The following CFAP46 variants were observed in gnomAD, a reference collection of about 807,000 sequenced individuals.
The protein encoded by CFAP46 is cilia- and flagella-associated protein 46.
In CFAP46, 245 loss-of-function variants were observed where a neutral mutation model predicts 325.7. The ratio of observed to expected loss-of-function variants is 0.75; its 90% CI spans 0.68 to 0.84. The LOEUF is 0.84. CFAP46 is among the 40% of genes least tolerant of loss of function. The pLI, the probability that CFAP46 is intolerant of heterozygous loss-of-function variation, is 0.00. For synonymous variants in CFAP46, 1,523 were observed against 1,495.9 expected (o/e 1.02, Z -0.42); for missense variants, 3,346 against 3,543.0 (o/e 0.94, Z 1.41).
At chr10:132,823,763 T>C (rs1281370573) in intron 50 of CFAP46, among the ~76,000 whole-genome samples, 1 of 63,456 alleles carries the variant, frequency 1.6e-5, no homozygotes, top group Non-Finnish European at 3.0e-5. Flanking sequence ...GTGCTGTGTG[T>C]GTGCTGTGTG....
In CFAP46 at chr10:132,866,174, G is replaced by GT; in HGVS notation, c.4744-4dup. 1 of 1,517,376 alleles carries GT rather than the reference G, an allele frequency of 6.6e-7. No homozygotes were observed. The highest frequency in any genetic ancestry group is 1.4e-5 in the African/African-American group (1 of 72,032). 94.0% of individuals were successfully genotyped at this position (1,517,376 alleles called of 1,614,324 possible). On this transcript the variant is annotated splice_polypyrimidine_tract_variant and splice_region_variant and intron_variant, in intron 34 of 57. Coordinates refer to ENST00000368586, the MANE Select transcript of CFAP46 (RefSeq NM_001200049.3). ...GTCTCCCCATTCATCTTCAAAATCT[G>GT]TAAGATACCGCAGCCCCAGGCGGCA...
At chr10:132,905,389 G>T (rs149164267) in intron 22 of CFAP46, among the ~76,000 whole-genome samples, 2,562 of 151,132 alleles carry the variant, frequency 0.017, 36 homozygotes, top group South Asian at 0.047. Flanking sequence ...TCCATCTGGG[G>T]ACAGCTCTTG....
rs143500976 is a variant in CFAP46 at position 132,886,324 on chromosome 10, T to G, written c.3305-365A>C. On this transcript the variant is annotated intron_variant, in intron 25 of 57. Coordinates refer to ENST00000368586, the MANE Select transcript of CFAP46 (RefSeq NM_001200049.3). This position sits in a 1 kb window ranked among gnomAD's most constrained non-coding sequence, Gnocchi z 5.8. Reference sequence around the variant, plus strand: ...TCCTTTCAGGAGTTGCATGGAAAGCTCCCCCGCGGCCGAGGACACAGCGCC... The same window carrying G: ...TCCTTTCAGGAGTTGCATGGAAAGCGCCCCCGCGGCCGAGGACACAGCGCC... Among the ~76,000 whole-genome samples the G allele has an allele frequency of 9.1e-3, 1,384 of 152,042 alleles. 12 individuals carry two copies. The highest frequency in any genetic ancestry group is 0.04 in the South Asian group (192 of 4,816).
At chr10:132,891,111 G>T (rs185944709) in intron 25 of CFAP46, among the ~76,000 whole-genome samples, 2 of 152,178 alleles carry the variant, frequency 1.3e-5, no homozygotes, top group African/African-American at 4.8e-5. Flanking sequence ...GTAGAAAAAT[G>T]CGATTTATCT....
chr10:132,814,602 G>T lies in CFAP46; in HGVS notation c.7260C>A (p.Asp2420Glu), dbSNP rs1452466451. The T allele has an allele frequency of 6.4e-7, 1 of 1,574,258 alleles. No individual in the cohort carries two copies. The highest frequency in any genetic ancestry group is 1.9e-5 in the Admixed American group (1 of 53,020). The change falls in exon 53 of 58, where the codon GAC becomes GAA. Residue 2420 changes from aspartate (D) to glutamate (E), a missense_variant. By Grantham distance (45) the Asp-to-Glu change is conservative. Coordinates refer to ENST00000368586, the MANE Select transcript of CFAP46 (RefSeq NM_001200049.3). ...VDSDNFKFVVDPYEEAQGPEM... is the reference protein window; with the variant it reads ...VDSDNFKFVVEPYEEAQGPEM... ...CTGGGCCCTGGGCCTCCTCGTATGG[G>T]TCCACGACGACTGGGTCCCGGTCAA...
chr10:132,810,190 C>A (rs987750746), intron 57 of CFAP46, among the ~76,000 whole-genome samples: 4 of 152,182 alleles, frequency 2.6e-5, no homozygotes, highest in African/African-American at 9.7e-5. Context: ...CCGAGGGTCG[C>A]GCCACGGTGG....
At position 132,832,347 on chromosome 10, in the gene CFAP46, A is replaced by G. The variant is rs1848159500; in HGVS notation, c.7117+1011T>C. On this transcript the variant is annotated intron_variant, in intron 50 of 57. Transcript: ENST00000368586. This position sits in a 1 kb window ranked among gnomAD's most constrained non-coding sequence, Gnocchi z 4.1. ...TAGTTGTCAGTTTCCCAGACTCCAAACTGTCTGTCCTCAACTTGCGGAGAC... is the reference window on the plus strand; with the variant it reads ...TAGTTGTCAGTTTCCCAGACTCCAAGCTGTCTGTCCTCAACTTGCGGAGAC... Among the ~76,000 whole-genome samples, 4 of 149,296 alleles carry G rather than the reference A, an allele frequency of 2.7e-5. No individual in the cohort carries two copies. Among genetic ancestry groups the G allele is most frequent in the Admixed American group, 6.7e-5 (1 of 14,998 alleles).
intron 8 of CFAP46, among the ~76,000 whole-genome samples, chr10:132,932,759 T>A (rs140607236): frequency 7.7e-4 from 118 of 152,400 alleles, no homozygotes; most frequent in African/African-American, 2.4e-3. Context: ...TGTATCCACA[T>A]GCAAGGACCC....
chr10:132,896,414 A>C (rs1849321989), intron 24 of CFAP46, among the ~76,000 whole-genome samples: 1 of 152,274 alleles, frequency 6.6e-6, no homozygotes, highest in Non-Finnish European at 1.5e-5. Context: ...GACTTTGATA[A>C]ATAAATTAAG....
chr10:132,868,523 T>C (rs1464405902), intron 33 of CFAP46, among the ~76,000 whole-genome samples: 2 of 152,220 alleles, frequency 1.3e-5, no homozygotes, highest in Admixed American at 1.3e-4. Flanking sequence ...AGGTGAAGGC[T>C]GGTTACCACA....
intron 57 of CFAP46, 66 bp downstream of exon 57, chr10:132,810,343 G>T: frequency 7.4e-7 from 1 of 1,355,984 alleles, no homozygotes; most frequent in Non-Finnish European, 1.1e-6. Flanking sequence ...TGCAGTGCAC[G>T]TGCCCCATGG....
chr10:132,899,025 C>T lies in CFAP46; in HGVS notation c.3153G>A (p.Arg1051=). Residue 1051 remains arginine, a synonymous_variant, in exon 24 of 58, where the codon AGG becomes AGA. Coordinates refer to ENST00000368586, the MANE Select transcript of CFAP46 (RefSeq NM_001200049.3). ...TCTTCAGGGCACCCTTGGCCTTCTT[C>T]CTGTAGACGGCTGAGGACAGCAGTG... The part of the protein sequence containing the change: ...WLPLLSSAVY[R]KKAKGALKRL... The T allele has an allele frequency of 1.3e-6, 2 of 1,550,632 alleles. No homozygotes were observed. The highest frequency in any genetic ancestry group is 8.7e-7 in the Non-Finnish European group (1 of 1,147,006).
At chr10:132,818,077 G>A (rs569628609) in intron 50 of CFAP46, among the ~76,000 whole-genome samples, 3 of 152,194 alleles carry the variant, frequency 2.0e-5, no homozygotes, top group African/African-American at 4.8e-5. Flanking sequence ...CCAGGACCAC[G>A]CGACGTCGCA....
At chr10:132,866,618 G>T (rs994700931) in intron 34 of CFAP46, among the ~76,000 whole-genome samples, 2 of 152,014 alleles carry the variant, frequency 1.3e-5, no homozygotes, top group Admixed American at 1.3e-4. Flanking sequence ...ACTAGGATCT[G>T]GGCCTACCCC....
Position 132,832,848 on chromosome 10 carries a change from C to T in CFAP46, c.7117+510G>A, listed in dbSNP as rs1335642820. 6.4e-6 allele frequency: 3 copies of T among 469,772 alleles called. No homozygotes were observed. The highest frequency in any genetic ancestry group is 1.3e-5 in the Non-Finnish European group (3 of 226,086). The allele number at this position is 469,772 out of a possible 1,614,324, so 29.1% of individuals were successfully genotyped here. On this transcript the variant is annotated intron_variant, in intron 50 of 57. Coordinates refer to ENST00000368586, the MANE Select transcript of CFAP46 (RefSeq NM_001200049.3). The surrounding 1 kb of genome is among the most constrained non-coding windows in gnomAD (Gnocchi z 4.1). ...CTGGCTGTTTACTACACATCTGGTC[C>T]CCTCCTTTGAAACAGGTATTTGTGG...
Position 132,919,531 on chromosome 10 carries a change from A to G in CFAP46, c.1731-89T>C, listed in dbSNP as rs2135592048. 2.7e-6 allele frequency: 4 copies of G among 1,461,342 alleles called. No individual in the cohort carries two copies. In the Admixed American group the frequency reaches 7.1e-5, roughly 26 times the overall value. The allele number at this position is 1,461,342 out of a possible 1,614,324, so 90.5% of individuals were successfully genotyped here. A position where few individuals can be genotyped will look rare whatever the true frequency, so the allele number is the denominator to read the frequency against. On this transcript the variant is annotated intron_variant, in intron 14 of 57. Coordinates refer to ENST00000368586, the MANE Select transcript of CFAP46 (RefSeq NM_001200049.3). The surrounding 1 kb of genome is among the most constrained non-coding windows in gnomAD (Gnocchi z 9.7). ...AACACCTGGGCTGGCTGCCTGAGAA[A>G]AGGCCACTGTGGCTCTGCAGTTTCA...
chr10:132,848,855 G>A (rs893258210), intron 41 of CFAP46, among the ~76,000 whole-genome samples: 2 of 152,124 alleles, frequency 1.3e-5, no homozygotes, highest in Non-Finnish European at 2.9e-5. Context: ...CAACGAGCTC[G>A]GATAACACCT....
intron 40 of CFAP46, among the ~76,000 whole-genome samples, chr10:132,850,724 C>G (rs997171359): frequency 6.6e-6 from 1 of 152,146 alleles, no homozygotes; most frequent in Non-Finnish European, 1.5e-5. Context: ...TCTCAGAAAA[C>G]TCAAAATGGA....
In CFAP46 at chr10:132,937,572, G is replaced by A. The variant is rs760373408; in HGVS notation, c.640C>T (p.Arg214Trp). 56 of 1,613,412 alleles carry A rather than the reference G, an allele frequency of 3.5e-5. No individual in the cohort carries two copies. Among genetic ancestry groups the A allele is most frequent in the Middle Eastern group, 3.3e-4 (2 of 6,062 alleles). The change falls in exon 6 of 58, where the codon CGG becomes TGG. Residue 214 changes from arginine (R) to tryptophan (W), a missense_variant. Physicochemically the swap from Arg to Trp is moderately radical, Grantham distance 101 (BLOSUM62 -3). Coordinates refer to ENST00000368586, the MANE Select transcript of CFAP46 (RefSeq NM_001200049.3). ...FIKSHVPQKY[R>W]QIFSVMVRHE... ...TTTACCATAACAGAGAATATCTGCC[G>A]GTATTTCTGTGGCACGTGAGACTTA...
Sources: gnomAD v4.1 joint callset for allele counts (sites outside exome capture counted in the v4.1 genomes callset) on GRCh38, gnomAD v4.1.1 for gene constraint, Gnocchi (gnomAD v3.1) non-coding constraint, MANE v1.5 for transcripts, NCBI Gene and HGNC (gene_info 2026-07-23, HGNC 2026-07-21) for gene names.